The following CEP68 variants were observed in gnomAD, a reference collection of about 807,000 sequenced individuals.
CEP68 encodes the protein centrosomal protein of 68 kDa.
In CEP68, 26 loss-of-function variants were observed where a neutral mutation model predicts 55.3. The ratio of observed to expected loss-of-function variants is 0.47; its 90% confidence interval spans 0.34 to 0.65. The LOEUF is 0.65. CEP68 is among the 30% of genes least tolerant of loss of function. CEP68 has a pLI of 0.01. For missense variants in CEP68, 957 were observed against 946.7 expected, an observed-to-expected ratio of 1.01 and a Z score of -0.14; for synonymous variants, 402 against 383.2, an observed-to-expected ratio of 1.05 and a Z score of -0.57.
intron 1 of CEP68, among the ~76,000 whole-genome samples, chr2:65,061,593 C>T (rs1461869550): frequency 6.6e-6 from 1 of 152,216 alleles, no homozygotes; most frequent in Non-Finnish European, 1.5e-5. Flanking sequence ...GGACAAAGTG[C>T]TCAGAGTGAC....
chr2:65,065,025 T>G (rs1026257092), intron 1 of CEP68, among the ~76,000 whole-genome samples: 1 of 152,226 alleles, frequency 6.6e-6, no homozygotes, highest in African/African-American at 2.4e-5. Context: ...TATTCCCCAG[T>G]TGGCTCATAA....
Position 65,066,745 on chromosome 2 carries a change from A to AAATATATAT in CEP68, c.-46-2653_-46-2652insATATATATA, listed in dbSNP as rs70943620. ...CTGTCTCAAAAAAAAAAAAAAAAAA[A>AAATATATAT]ATATATATATATATATATATATACA... is the stretch of plus-strand genomic sequence containing the variant. On this transcript the variant is annotated intron_variant, in intron 1 of 6. Transcript: ENST00000377990. Among the ~76,000 whole-genome samples, 34 of 58,396 alleles carry AAATATATAT rather than the reference A, an allele frequency of 5.8e-4. 1 individual carries two copies. The highest frequency in any genetic ancestry group is 7.7e-4 in the Non-Finnish European group (25 of 32,616). 38.3% of individuals were successfully genotyped at this position (58,396 alleles called of 152,430 possible). A position where few individuals can be genotyped will look rare whatever the true frequency, so the allele number is the denominator to read the frequency against.
intron 1 of CEP68, among the ~76,000 whole-genome samples, chr2:65,060,134 C>T (rs574620178): frequency 1.3e-5 from 2 of 152,182 alleles, no homozygotes; most frequent in Admixed American, 1.3e-4. Context: ...AAGAAATTAG[C>T]ACAAAAAGGC....
At chr2:65,070,194 TG>T (rs1182729133) in intron 2 of CEP68, among the ~76,000 whole-genome samples, 2 of 152,264 alleles carry the variant, frequency 1.3e-5, no homozygotes, top group East Asian at 3.9e-4. Context: ...TTTGGGCTCC[TG>T]GGGGCTCTGA....
intron 5 of CEP68, among the ~76,000 whole-genome samples, chr2:65,080,798 A>G (rs1034956197): frequency 1.3e-5 from 2 of 152,066 alleles, no homozygotes; most frequent in Admixed American, 6.6e-5. Context: ...AGCCTGGGCA[A>G]CAAGAGTAAG....
intron 1 of CEP68, among the ~76,000 whole-genome samples, chr2:65,058,748 C>G (rs1675774927): frequency 6.6e-6 from 1 of 152,042 alleles, no homozygotes; most frequent in African/African-American, 2.4e-5. Flanking sequence ...CTCAGGTGAT[C>G]CACCCACTTC....
rs772459974 is a variant in CEP68, at chr2:65,084,607, C to G, written c.*973C>G. 3 of 151,510 alleles carry G rather than the reference C, an allele frequency of 2.0e-5. No individual in the cohort carries two copies. Among genetic ancestry groups the G allele is most frequent in the Non-Finnish European group, 2.9e-5 (2 of 68,006 alleles). The allele number at this position is 151,510 out of a possible 1,614,324, so 9.4% of individuals were successfully genotyped here. On this transcript the variant is annotated 3_prime_UTR_variant, in exon 7 of 7. Coordinates refer to ENST00000377990, the MANE Select transcript of CEP68 (RefSeq NM_015147.3). ...CAAGATGATCAGTTATTGCTGGTAA[C>G]TGCAGATTCTACAGAAAAGCACTTT... is the stretch of plus-strand genomic sequence containing the variant.
chr2:65,080,237 A>G (rs539280893), intron 5 of CEP68: 58 of 984,938 alleles, frequency 5.9e-5, no homozygotes, highest in Non-Finnish European at 6.7e-5. Flanking sequence ...CTCTCTCAAG[A>G]GGTTTTTTAC....
chr2:65,077,280 G>A (rs905250065), intron 4 of CEP68, among the ~76,000 whole-genome samples: 2 of 152,130 alleles, frequency 1.3e-5, no homozygotes, highest in Non-Finnish European at 2.9e-5. Context: ...TTACAGGTGT[G>A]AGCCACCGCG....
At chr2:65,068,794 C>T (rs1309756132) in intron 1 of CEP68, among the ~76,000 whole-genome samples, 1 of 152,068 alleles carries the variant, frequency 6.6e-6, no homozygotes, top group African/African-American at 2.4e-5. Context: ...TGCCACTGCA[C>T]TCCAGCCTGG....
chr2:65,067,892 C>T (rs1464378827), intron 1 of CEP68, among the ~76,000 whole-genome samples: 1 of 152,132 alleles, frequency 6.6e-6, no homozygotes, highest in Non-Finnish European at 1.5e-5. Context: ...CTGGCATGCC[C>T]CATCAGGCAG....
chr2:65,067,138 C>A (rs13400482), intron 1 of CEP68, among the ~76,000 whole-genome samples: 8,384 of 151,500 alleles, frequency 0.055, 773 homozygotes, highest in African/African-American at 0.19. Flanking sequence ...AATCCCAGCA[C>A]TTTGGGAGGT....
rs1246254823 is a variant in CEP68 at position 65,083,289 on chromosome 2, G to A, written c.*5-350G>A. On this transcript the variant is annotated intron_variant, in intron 6 of 6. Transcript: ENST00000377990. ...TTAAAGACACCTTGGAGACTTAACTGGTAGTACAACTTTCTTTTGCTCCCT... is the reference window on the plus strand; with the variant it reads ...TTAAAGACACCTTGGAGACTTAACTAGTAGTACAACTTTCTTTTGCTCCCT... Among the ~76,000 whole-genome samples, 5 of 152,172 alleles carry A rather than the reference G, an allele frequency of 3.3e-5. No individual in the cohort carries two copies. In the East Asian group the frequency reaches 9.6e-4, roughly 29 times the overall value.
At chr2:65,080,880 G>T (rs1033036122) in intron 5 of CEP68, among the ~76,000 whole-genome samples, 6 of 152,012 alleles carry the variant, frequency 3.9e-5, no homozygotes, top group Non-Finnish European at 8.8e-5. Context: ...ATGTTTCTGT[G>T]ACATCGCACA....
rs1377402624 is a variant in CEP68 at position 65,069,571 on chromosome 2, C to T, written c.127C>T (p.Pro43Ser). Reference protein sequence around the residue: ...IPGPMSGEQPPRLEAEGGLIS... With the variant: ...IPGPMSGEQPSRLEAEGGLIS... ...AGGGCCCATGAGTGGGGAGCAGCCC[C>T]CACGCCTGGAAGCTGAGGGAGGGCT... Residue 43 changes from proline (P) to serine (S), a missense_variant, in exon 2 of 7, where the codon CCA becomes TCA. Coordinates refer to ENST00000377990, the MANE Select transcript of CEP68 (RefSeq NM_015147.3). 6.2e-7 allele frequency: 1 copy of T among 1,613,314 alleles called. No homozygotes were observed. Among genetic ancestry groups the T allele is most frequent in the Admixed American group, 1.7e-5 (1 of 60,006 alleles).
At chr2:65,077,156 C>T (rs1167258852) in intron 4 of CEP68, among the ~76,000 whole-genome samples, 1 of 151,886 alleles carries the variant, frequency 6.6e-6, no homozygotes, top group African/African-American at 2.4e-5. Context: ...CCACCACACC[C>T]GGCTAATTTT....
At position 65,083,748 on chromosome 2, in the gene CEP68, A is replaced by G. The variant is rs1238489317; in HGVS notation, c.*114A>G. The G allele has an allele frequency of 1.3e-5, 2 of 152,244 alleles. No homozygotes were observed. Among genetic ancestry groups the G allele is most frequent in the Non-Finnish European group, 2.9e-5 (2 of 68,042 alleles). The allele number at this position is 152,244 out of a possible 1,614,324, so 9.4% of individuals were successfully genotyped here. ...ATTCAACACTGAAGTCAAGGGGGAA[A>G]CCTTCAATATACTAGCTTTAAAATG... On this transcript the variant is annotated 3_prime_UTR_variant, in exon 7 of 7. Coordinates refer to ENST00000377990, the MANE Select transcript of CEP68 (RefSeq NM_015147.3).
At chr2:65,081,078 G>T (rs1676986489) in intron 5 of CEP68, among the ~76,000 whole-genome samples, 1 of 152,076 alleles carries the variant, frequency 6.6e-6, no homozygotes, top group African/African-American at 2.4e-5. Flanking sequence ...GGGCGTGGTG[G>T]TGGGCGCCAG....
chr2:65,073,721 T>C (rs1676616994), intron 3 of CEP68: 1 of 160,762 alleles, frequency 6.2e-6, no homozygotes, highest in Non-Finnish European at 1.4e-5. Flanking sequence ...GGTTCAGGAA[T>C]GTGCCTGTCC....
Sources: gnomAD v4.1 joint callset for allele counts (sites outside exome capture counted in the v4.1 genomes callset) on GRCh38, gnomAD v4.1.1 for gene constraint, MANE v1.5 for transcripts, NCBI Gene and HGNC (gene_info 2026-07-23, HGNC 2026-07-21) for gene names.